Variants in TMEM232 observed in about 807,000 individuals in gnomAD.
The protein encoded by TMEM232 is transmembrane protein 232.
In TMEM232, 80 loss-of-function variants were observed where a neutral mutation model predicts 78.8. The observed-to-expected ratio is 1.01, with a 90% CI of 0.85 to 1.22. The LOEUF (loss-of-function observed/expected upper bound fraction) is 1.22, where lower values mean the gene tolerates loss of function less well. TMEM232 is among the 50% of genes most tolerant of loss of function. The pLI is 0.00. For missense variants in TMEM232, 881 were observed against 742.2 expected, an observed-to-expected ratio of 1.19 and a Z score of -2.17; for synonymous variants, 297 against 254.3, an observed-to-expected ratio of 1.17 and a Z score of -1.60.
chr5:110,577,668 A>G (rs1014472229), intron 10 of TMEM232, among the ~76,000 whole-genome samples: 1 of 152,146 alleles, frequency 6.6e-6, no homozygotes, highest in African/African-American at 2.4e-5. Flanking sequence ...TGGTACACAC[A>G]TGCCATGGAA....
At chr5:110,737,924 AAT>A (rs1799367731) in intron 1 of TMEM232, 1 of 153,818 alleles carries the variant, frequency 6.5e-6, no homozygotes, top group African/African-American at 2.4e-5. Flanking sequence ...GTTATTTAAA[AAT>A]GTTAATTATA....
intron 1 of TMEM232, among the ~76,000 whole-genome samples, chr5:110,710,205 A>C (rs1188654701): frequency 6.6e-6 from 1 of 152,182 alleles, no homozygotes; most frequent in East Asian, 1.9e-4. Flanking sequence ...CCAAGATTGA[A>C]CCATGAAGAA....
chr5:110,491,740 A>C (rs1032767488), intron 12 of TMEM232, among the ~76,000 whole-genome samples: 2 of 151,982 alleles, frequency 1.3e-5, no homozygotes, highest in African/African-American at 4.8e-5. Context: ...AAACTAAAAA[A>C]CAAGGTTAAA....
intron 2 of TMEM232, chr5:110,666,784 T>G (rs1790650859): frequency 6.5e-6 from 1 of 153,056 alleles, no homozygotes; most frequent in South Asian, 2.0e-4. Context: ...AAAAGTATAT[T>G]ATTTGTGACT....
At chr5:110,561,475 T>A (rs1345456791) in intron 11 of TMEM232, among the ~76,000 whole-genome samples, 1 of 151,704 alleles carries the variant, frequency 6.6e-6, no homozygotes, top group Non-Finnish European at 1.5e-5. Context: ...GTTTATCAGA[T>A]GACATACAGT....
intron 3 of TMEM232, among the ~76,000 whole-genome samples, chr5:110,391,326 T>TGTGTGTGTGTGTGTGTGAGAGA (rs549361387): frequency 7.2e-6 from 1 of 139,814 alleles, no homozygotes; most frequent in South Asian, 2.3e-4. Context: ...TGTGTGTGTG[T>TGTGTGTGTGTGTGTGTGAGAGA]GAGAGAGAGA....
chr5:110,624,465 T>C (rs1488716352), intron 7 of TMEM232, among the ~76,000 whole-genome samples: 5 of 152,114 alleles, frequency 3.3e-5, no homozygotes, highest in East Asian at 1.9e-4. Context: ...ACAGAACCAG[T>C]TCATAAGCAT....
At chr5:110,695,653 A>G (rs1794681509) in intron 1 of TMEM232, among the ~76,000 whole-genome samples, 1 of 152,208 alleles carries the variant, frequency 6.6e-6, no homozygotes, top group Admixed American at 6.5e-5. Context: ...ACAAACTACC[A>G]TCAGAGAATA....
intron 2 of TMEM232, among the ~76,000 whole-genome samples, 153 bp from the exon 3 acceptor site, chr5:110,642,524 AC>A (rs1786881112): frequency 6.6e-6 from 1 of 152,194 alleles, no homozygotes; most frequent in Non-Finnish European, 1.5e-5. Context: ...AGTAAAAGAT[AC>A]ATGCAAGCCT....
intron 12 of TMEM232, among the ~76,000 whole-genome samples, chr5:110,478,832 GT>G (rs1398748062): frequency 6.7e-6 from 1 of 148,976 alleles, no homozygotes; most frequent in Non-Finnish European, 1.5e-5. Context: ...GCTAAGCAGT[GT>G]TTTGTCTATG....
At chr5:110,635,258 A>G (rs541120038) in intron 5 of TMEM232, among the ~76,000 whole-genome samples, 1 of 152,194 alleles carries the variant, frequency 6.6e-6, no homozygotes, top group Admixed American at 6.5e-5. Flanking sequence ...CCAAATAGAT[A>G]ATGAAAAACT....
chr5:110,602,926 T>C (rs985773291), intron 10 of TMEM232, among the ~76,000 whole-genome samples: 3 of 151,984 alleles, frequency 2.0e-5, no homozygotes, highest in Non-Finnish European at 4.4e-5. Context: ...ATAAAGAAAA[T>C]GTGGCACATA....
intron 6 of TMEM232, 104 bp from the exon 7 acceptor site, chr5:110,625,537 T>G: frequency 9.8e-7 from 1 of 1,023,256 alleles, no homozygotes; most frequent in Non-Finnish European, 1.3e-6. Flanking sequence ...AGTACTTAGA[T>G]GCAGAAACTG....
chr5:110,574,951 T>C (rs569782038), intron 10 of TMEM232, among the ~76,000 whole-genome samples: 6 of 152,072 alleles, frequency 3.9e-5, no homozygotes, highest in African/African-American at 1.4e-4. Context: ...TTGTAGTTGG[T>C]GTTAGAAGGG....
intron 10 of TMEM232, among the ~76,000 whole-genome samples, chr5:110,569,534 A>G (rs1358396900): frequency 3.3e-5 from 5 of 151,924 alleles, no homozygotes; most frequent in Admixed American, 3.3e-4. Flanking sequence ...TGGTTCAGAA[A>G]GGGAGCTGGA....
At chr5:110,404,831 C>T (rs890721634) in intron 2 of TMEM232, among the ~76,000 whole-genome samples, 4 of 151,892 alleles carry the variant, frequency 2.6e-5, no homozygotes, top group Non-Finnish European at 5.9e-5. Context: ...GGTCTGGATA[C>T]GAGTGGGTGG....
intron 1 of TMEM232, among the ~76,000 whole-genome samples, chr5:110,697,086 G>T (rs150854442): frequency 0.024 from 3,691 of 152,164 alleles, 47 homozygotes; most frequent in African/African-American, 0.032. Flanking sequence ...CATGGTACTG[G>T]TACCAAAACA....
chr5:110,676,813 C>A (rs1462231187), intron 1 of TMEM232, among the ~76,000 whole-genome samples: 1 of 151,384 alleles, frequency 6.6e-6, no homozygotes, highest in Non-Finnish European at 1.5e-5. Flanking sequence ...GGCTGGAGTG[C>A]AGTGGAGCAA....
At chr5:110,465,582 A>G (rs891929064) in intron 12 of TMEM232, among the ~76,000 whole-genome samples, 1 of 152,210 alleles carries the variant, frequency 6.6e-6, no homozygotes, top group Admixed American at 6.5e-5. Flanking sequence ...TTGGTATATA[A>G]ATAGACATTT....
Sources: allele counts gnomAD v4.1 joint callset (sites outside exome capture counted in the v4.1 genomes callset), GRCh38; gene constraint gnomAD v4.1.1; transcripts MANE v1.5; gene names NCBI Gene and HGNC (gene_info 2026-07-23, HGNC 2026-07-21).